The following SGTB variants were observed in gnomAD, a reference collection of about 807,000 sequenced individuals.
SGTB encodes the protein small glutamine rich tetratricopeptide repeat co-chaperone beta, also known as small glutamine-rich tetratricopeptide repeat-containing protein beta.
Under a neutral mutation model 43.9 loss-of-function variants are expected in SGTB, and 19 were observed. The ratio of observed to expected loss-of-function variants is 0.43; its 90% CI spans 0.30 to 0.63. The LOEUF is 0.63. Among genes scored for constraint, SGTB ranks in the 30% least tolerant of loss-of-function variants. The pLI is 0.12. For synonymous variants in SGTB, 116 were observed against 117.3 expected, an observed-to-expected ratio of 0.99 and a Z score of 0.07; for missense variants, 304 against 358.9, an observed-to-expected ratio of 0.85 and a Z score of 1.24.
upstream of SGTB, chr5:65,722,262 C>T: frequency 1.4e-6 from 1 of 736,370 alleles, no homozygotes; most frequent in Non-Finnish European, 2.1e-6. Flanking sequence ...GCCACTGTGG[C>T]CTCTGCGGCT....
intron 9 of SGTB, 100 bp from the exon 10 acceptor site, chr5:65,672,098 G>A (rs992716110): frequency 2.6e-6 from 4 of 1,568,428 alleles, no homozygotes; most frequent in Admixed American, 1.7e-5. Context: ...TGTTATACCA[G>A]AGGCTAGGCC....
chr5:65,667,456 A>T lies in SGTB; in HGVS notation c.*2790T>A, dbSNP rs943337215. On this transcript the variant is annotated 3_prime_UTR_variant, in exon 11 of 11. Transcript: ENST00000381007. ...TTTTTATATCACAGTAATGACTTCT[A>T]TGTGTTAGTAGTAGTACTTCGTTCT... is the stretch of plus-strand genomic sequence containing the variant. The T allele has an allele frequency of 2.0e-5, 3 of 152,176 alleles. No homozygotes were observed. The highest frequency in any genetic ancestry group is 4.4e-5 in the Non-Finnish European group (3 of 68,022). The allele number at this position is 152,176 out of a possible 1,614,324, so 9.4% of individuals were successfully genotyped here. A position where few individuals can be genotyped will look rare whatever the true frequency, so the allele number is the denominator to read the frequency against.
Position 65,711,302 on chromosome 5 carries a change from G to C in SGTB, c.204+1659C>G, listed in dbSNP as rs555152540. Among the ~76,000 whole-genome samples, 8 of 150,226 alleles carry C rather than the reference G, an allele frequency of 5.3e-5. No homozygotes were observed. In the South Asian group the frequency reaches 1.7e-3, roughly 32 times the overall value. On this transcript the variant is annotated intron_variant, in intron 3 of 10. Coordinates refer to ENST00000381007, the MANE Select transcript of SGTB (RefSeq NM_019072.3). ...ATGCAATCAGGGAGATACAGCAAAA[G>C]AAAGAAAAAGCTTTATTCAAACAGA...
intron 5 of SGTB, among the ~76,000 whole-genome samples, chr5:65,689,032 G>T (rs559587207): frequency 2.0e-5 from 3 of 151,936 alleles, no homozygotes; most frequent in Admixed American, 1.3e-4. Flanking sequence ...GGATGGTCTC[G>T]ATCTCCTGAC....
chr5:65,708,422 T>C (rs1012914721), intron 4 of SGTB, 67 bp downstream of exon 4: 8 of 1,355,728 alleles, frequency 5.9e-6, no homozygotes, highest in Non-Finnish European at 7.3e-6. Flanking sequence ...ACTATATCAA[T>C]TGACAGTAAT....
chr5:65,694,155 C>T (rs1454425879), intron 5 of SGTB, among the ~76,000 whole-genome samples: 3 of 152,080 alleles, frequency 2.0e-5, no homozygotes, highest in Non-Finnish European at 4.4e-5. Context: ...GAAGACCAGG[C>T]GCAGTGGCTC....
At chr5:65,705,213 T>C (rs1273577764) in intron 4 of SGTB, among the ~76,000 whole-genome samples, 3 of 150,698 alleles carry the variant, frequency 2.0e-5, no homozygotes, top group African/African-American at 7.3e-5. Flanking sequence ...GAAGTGAAGG[T>C]GGGAGGATCA....
intron 3 of SGTB, among the ~76,000 whole-genome samples, chr5:65,712,086 G>A (rs62368871): frequency 0.069 from 10,440 of 152,038 alleles, 455 homozygotes; most frequent in East Asian, 0.11. Flanking sequence ...AGACCCCGTC[G>A]CTACTAAAAA....
At chr5:65,682,867 T>G (rs1210569433) in intron 6 of SGTB, among the ~76,000 whole-genome samples, 1 of 152,180 alleles carries the variant, frequency 6.6e-6, no homozygotes, top group Non-Finnish European at 1.5e-5. Flanking sequence ...AAAGTCACCA[T>G]GAACAATGAA....
In SGTB at chr5:65,670,157, T is replaced by C; in HGVS notation, c.*89A>G. The stretch of plus-strand genomic sequence containing the variant: ...ACACATCAGATATGGTGTTTGGTTT[T>C]TTGAAGGAGGGAGGGGGTACTATCT... On this transcript the variant is annotated 3_prime_UTR_variant, in exon 11 of 11. Transcript: ENST00000381007. 2 of 1,137,752 alleles carry C rather than the reference T, an allele frequency of 1.8e-6. No individual in the cohort carries two copies. The highest frequency in any genetic ancestry group is 2.6e-6 in the Non-Finnish European group (2 of 782,904). The allele number at this position is 1,137,752 out of a possible 1,614,324, so 70.5% of individuals were successfully genotyped here.
At chr5:65,689,312 C>A (rs183021315) in intron 5 of SGTB, among the ~76,000 whole-genome samples, 6 of 152,238 alleles carry the variant, frequency 3.9e-5, no homozygotes, top group African/African-American at 1.4e-4. Flanking sequence ...CTACTTTGCA[C>A]AGAATCTCAG....
chr5:65,683,099 T>C (rs1353557573), intron 6 of SGTB, among the ~76,000 whole-genome samples: 2 of 151,986 alleles, frequency 1.3e-5, no homozygotes, highest in Non-Finnish European at 2.9e-5. Context: ...CTCATAAATA[T>C]ATTTTCTCCA....
intron 4 of SGTB, among the ~76,000 whole-genome samples, chr5:65,706,324 C>G (rs1279552085): frequency 2.0e-5 from 3 of 152,026 alleles, no homozygotes; most frequent in African/African-American, 7.2e-5. Flanking sequence ...TTTTAATTTT[C>G]TGGGTTATTG....
chr5:65,675,759 G>A (rs1757254025), intron 8 of SGTB, among the ~76,000 whole-genome samples: 1 of 152,064 alleles, frequency 6.6e-6, no homozygotes, highest in Non-Finnish European at 1.5e-5. Flanking sequence ...ATAAGCAAAG[G>A]AGAAATAAGA....
chr5:65,678,420 C>T (rs1757324334), intron 8 of SGTB, among the ~76,000 whole-genome samples: 1 of 152,086 alleles, frequency 6.6e-6, no homozygotes, highest in Non-Finnish European at 1.5e-5. Context: ...GGCCATATTG[C>T]CTAAAGCAAT....
intron 8 of SGTB, among the ~76,000 whole-genome samples, chr5:65,678,896 T>C (rs190205040): frequency 9.2e-5 from 14 of 152,000 alleles, no homozygotes; most frequent in Admixed American, 3.9e-4. Context: ...AAGAACTCTA[T>C]AAACCGAGGC....
chr5:65,680,490 T>C lies in SGTB; in HGVS notation c.681+4A>G. ...AGTAGAGGCAGAAAAGAAAGTATAC[T>C]CACCATACTAATGAAGGCTGGATTA... On this transcript the variant is annotated splice_donor_region_variant and intron_variant, in intron 8 of 10. Coordinates refer to ENST00000381007, the MANE Select transcript of SGTB (RefSeq NM_019072.3). 6.2e-7 allele frequency: 1 copy of C among 1,612,254 alleles called. No individual in the cohort carries two copies. The highest frequency in any genetic ancestry group is 8.5e-7 in the Non-Finnish European group (1 of 1,179,946).
chr5:65,707,691 C>G (rs1275267827), intron 4 of SGTB, among the ~76,000 whole-genome samples: 1 of 152,100 alleles, frequency 6.6e-6, no homozygotes, highest in African/African-American at 2.4e-5. Flanking sequence ...CCTCGGCCTC[C>G]CAAAGTGCTG....
rs1757104308 is a variant in SGTB, at chr5:65,669,198, A to G, written c.*1048T>C. On this transcript the variant is annotated 3_prime_UTR_variant, in exon 11 of 11. Transcript: ENST00000381007. ...ATTATAAGACTGGCATGCCAAGCCA[A>G]ATTATCACAGAAGATTACATGAACA... 1 of 139,460 alleles carries G rather than the reference A, an allele frequency of 7.2e-6. No individual in the cohort carries two copies. Among genetic ancestry groups the G allele is most frequent in the Admixed American group, 7.3e-5 (1 of 13,782 alleles). The allele number at this position is 139,460 out of a possible 1,614,324, so 8.6% of individuals were successfully genotyped here. A position where few individuals can be genotyped will look rare whatever the true frequency, so the allele number is the denominator to read the frequency against.
Sources: gnomAD v4.1 joint callset for allele counts (sites outside exome capture counted in the v4.1 genomes callset) on GRCh38, gnomAD v4.1.1 for gene constraint, MANE v1.5 for transcripts, NCBI Gene and HGNC (gene_info 2026-07-23, HGNC 2026-07-21) for gene names.